The following FAM186A variants were observed in gnomAD, a reference collection of about 807,000 sequenced individuals.
FAM186A encodes family with sequence similarity 186 member A.
Under a neutral mutation model 216.8 loss-of-function variants are expected in FAM186A, and 163 were observed. The ratio of observed to expected loss-of-function variants is 0.75; its 90% confidence interval spans 0.66 to 0.86. The LOEUF (loss-of-function observed/expected upper bound fraction) is 0.86. Ranked by LOEUF, FAM186A falls within the 40% of genes least tolerant of loss-of-function variation. FAM186A has a pLI of 0.00. For synonymous variants in FAM186A, 805 were observed against 1,025.3 expected (o/e 0.79, Z 4.10); for missense variants, 2,184 against 2,746.2 (o/e 0.80, Z 4.58).
chr12:50,356,975 G>A (rs1942983611), intron 3 of FAM186A, among the ~76,000 whole-genome samples: 1 of 151,860 alleles, frequency 6.6e-6, no homozygotes, highest in Non-Finnish European at 1.5e-5. Flanking sequence ...CTCAAGCCTG[G>A]GTAAAAGAGT....
At chr12:50,374,680 T>G (rs903911425) in intron 1 of FAM186A, among the ~76,000 whole-genome samples, 2 of 152,136 alleles carry the variant, frequency 1.3e-5, no homozygotes, top group Non-Finnish European at 2.9e-5. Flanking sequence ...TTACAAAACA[T>G]TTACAGCTAG....
rs1168774341 is a variant in FAM186A at position 50,353,782 on chromosome 12, A to C, written c.3050T>G (p.Leu1017Trp). ...TTCATATGACCGCTGTACATCTTTC[A>C]ATACACTCTTCCACCTGGGAGATAA... ...MTLSPRWKSV[L>W]KDVQRSYEGK... The change falls in exon 4 of 8, where the codon TTG becomes TGG. Residue 1017 changes from leucine to tryptophan, a missense_variant. This residue lies in a region of FAM186A where 1,132 missense variants were observed against 1,263.4 expected (regional missense o/e 0.90). Transcript: ENST00000327337. 2 of 1,551,592 alleles carry C rather than the reference A, an allele frequency of 1.3e-6. No individual in the cohort carries two copies. The highest frequency in any genetic ancestry group is 2.0e-5 in the Admixed American group (1 of 50,992).
intron 1 of FAM186A, among the ~76,000 whole-genome samples, chr12:50,379,839 T>C (rs1650768299): frequency 6.6e-6 from 1 of 151,600 alleles, no homozygotes; most frequent in Admixed American, 6.6e-5. Flanking sequence ...TTACCCTTCA[T>C]GTAAGAAAAA....
At chr12:50,343,688 G>A (rs1014861171) in intron 4 of FAM186A, among the ~76,000 whole-genome samples, 72 of 151,976 alleles carry the variant, frequency 4.7e-4, no homozygotes, top group African/African-American at 1.6e-3. Flanking sequence ...GTGCAATCTC[G>A]GCTCACTGCA....
rs984914762 is a variant in FAM186A at position 50,360,894 on chromosome 12, C to T, written c.445G>A (p.Val149Ile). Residue 149 changes from valine to isoleucine, a missense_variant, in exon 3 of 8, where the codon GTT becomes ATT. Val to Ile is a conservative substitution (Grantham distance 29). Coordinates refer to ENST00000327337, the MANE Select transcript of FAM186A (RefSeq NM_001145475.3). ...GCTATCCAGTGGTGGTGTTCATCAA[C>T]ATCCATTAGAGTCATCTCAGACAAA... The part of the protein sequence containing the change: ...DVLSEMTLMD[V>I]DEHHHWIAQM... 1 of 1,548,764 alleles carries T rather than the reference C, an allele frequency of 6.5e-7. No individual in the cohort carries two copies. Among genetic ancestry groups the T allele is most frequent in the Non-Finnish European group, 8.7e-7 (1 of 1,146,274 alleles).
rs12830155 is a variant in FAM186A at position 50,342,506 on chromosome 12, G to A, written c.6503+7823C>T. ...AATTTTTTTTTAGAGAGAGAGTCTC[G>A]CTCTGTTGCCCAGGCTGGAGTGCAG... On this transcript the variant is annotated intron_variant, in intron 4 of 7. Coordinates refer to ENST00000327337, the MANE Select transcript of FAM186A (RefSeq NM_001145475.3). Among the ~76,000 whole-genome samples the A allele has an allele frequency of 5.8e-3, 854 of 147,492 alleles. 7 individuals are homozygous for A. The highest frequency in any genetic ancestry group is 0.021 in the African/African-American group (834 of 40,094).
chr12:50,349,686 C>T (rs1942855949), intron 4 of FAM186A, among the ~76,000 whole-genome samples: 1 of 151,796 alleles, frequency 6.6e-6, no homozygotes, highest in Admixed American at 6.6e-5. Flanking sequence ...GAGGCTGACT[C>T]TCTCACCCAG....
intron 1 of FAM186A, among the ~76,000 whole-genome samples, chr12:50,371,307 C>CG (rs1565892448): frequency 6.6e-6 from 1 of 151,786 alleles, no homozygotes; most frequent in Non-Finnish European, 1.5e-5. Flanking sequence ...TTAGTAGAGA[C>CG]GGGGTTTCAC....
rs1486954206 is a variant in FAM186A, at chr12:50,355,492, T to TGAGTA, written c.1339_1340insTACTC (p.Tyr447LeufsTer32). The TGAGTA allele has an allele frequency of 6.4e-7, 1 of 1,551,244 alleles. No homozygotes were observed. Among genetic ancestry groups the TGAGTA allele is most frequent in the African/African-American group, 1.4e-5 (1 of 73,024 alleles). ...ATACTCATCAGTCTCATCTTCCTGA[T>TGAGTA]AGAAATCACCTTTCTTCAATGATAC... is the stretch of plus-strand genomic sequence containing the variant. On this transcript the variant is annotated frameshift_variant, in exon 4 of 8. Coordinates refer to ENST00000327337, the MANE Select transcript of FAM186A (RefSeq NM_001145475.3). LOFTEE classifies it high-confidence loss of function.
At chr12:50,335,913 C>T (rs1414420568) in intron 4 of FAM186A, among the ~76,000 whole-genome samples, 1 of 151,974 alleles carries the variant, frequency 6.6e-6, no homozygotes, top group African/African-American at 2.4e-5. Context: ...ATCACGAGGT[C>T]AGGGGCTCCA....
At position 50,354,948 on chromosome 12, in the gene FAM186A, T is replaced by G. The variant is rs779242210; in HGVS notation, c.1884A>C (p.Glu628Asp). Residue 628 changes from glutamate (E) to aspartate (D), a missense_variant, in exon 4 of 8, where the codon GAA (glutamate) becomes GAC (aspartate). Glu to Asp is a conservative substitution (Grantham distance 45). Transcript: ENST00000327337. ...GAGACTTGACTTGTTTGGTCAACTCTTCCTTCTCTTCAGTTTTTTCTTCTT... is the reference window on the plus strand; with the variant it reads ...GAGACTTGACTTGTTTGGTCAACTCGTCCTTCTCTTCAGTTTTTTCTTCTT... ...TSKEEKTEEK[E>D]ELTKQVKSHQ... The G allele has an allele frequency of 6.5e-7, 1 of 1,550,348 alleles. No homozygotes were observed. The highest frequency in any genetic ancestry group is 1.2e-5 in the South Asian group (1 of 83,690).
In FAM186A at chr12:50,354,422, CTCTT is replaced by C. The variant is rs754607161; in HGVS notation, c.2406_2409del (p.Arg803IlefsTer34). ...TGTACTGTTGAGACTGTTGGAATAT[CTCTT>C]TCACTTTCTATTTCAGCCAAGATCA... On this transcript the variant is annotated frameshift_variant, in exon 4 of 8. Coordinates refer to ENST00000327337, the MANE Select transcript of FAM186A (RefSeq NM_001145475.3). LOFTEE classifies it high-confidence loss of function. 52 of 1,551,236 alleles carry C rather than the reference CTCTT, an allele frequency of 3.4e-5. No individual in the cohort carries two copies. Among genetic ancestry groups the C allele is most frequent in the Non-Finnish European group, 4.4e-5 (51 of 1,146,972 alleles).
chr12:50,375,381 C>T (rs1006883788), intron 1 of FAM186A, among the ~76,000 whole-genome samples: 3 of 151,674 alleles, frequency 2.0e-5, no homozygotes, highest in Non-Finnish European at 4.4e-5. Flanking sequence ...AACCCTGTCT[C>T]GACTAAAAAT....
chr12:50,384,814 GT>G (rs568268912), intron 1 of FAM186A, among the ~76,000 whole-genome samples: 7 of 150,324 alleles, frequency 4.7e-5, no homozygotes, highest in African/African-American at 1.5e-4. Flanking sequence ...TAGAGTTTTT[GT>G]TTTTTTTTGA....
At chr12:50,395,627 C>G (rs1193952530) in intron 1 of FAM186A, among the ~76,000 whole-genome samples, 3 of 152,002 alleles carry the variant, frequency 2.0e-5, no homozygotes, top group Non-Finnish European at 2.9e-5. Flanking sequence ...TGTAAACACT[C>G]TTTCTATTCT....
In FAM186A at chr12:50,353,826, G is replaced by C. The variant is rs765833942; in HGVS notation, c.3006C>G (p.Val1002=). 1 of 1,551,638 alleles carries C rather than the reference G, an allele frequency of 6.4e-7. No individual in the cohort carries two copies. Among genetic ancestry groups the C allele is most frequent in the South Asian group, 1.2e-5 (1 of 84,048 alleles). ...GAGATAATGTCATTGGAGTTTGGAT[G>C]ACCATTTTTTCTAGCTCTTTAGGTT... ...ETQPKELEKM[V]IQTPMTLSPR... The change falls in exon 4 of 8, where the codon GTC becomes GTG. Residue 1002 remains valine, a synonymous_variant. Transcript: ENST00000327337.
At chr12:50,393,029 C>A (rs1263095614) in intron 1 of FAM186A, among the ~76,000 whole-genome samples, 2 of 151,480 alleles carry the variant, frequency 1.3e-5, no homozygotes, top group African/African-American at 4.8e-5. Context: ...CGGGTTCACG[C>A]CATTCTCCTG....
rs1301447570 is a variant in FAM186A, at chr12:50,328,590, C to T, written c.7035-1186G>A. ...TGGAGCGATCTCGGCTCACTGCAAC[C>T]TCTGCCTCCCAGACTCAAGCCATTC... On this transcript the variant is annotated intron_variant, in intron 7 of 7. Transcript: ENST00000327337. 4.6e-5 allele frequency among the ~76,000 whole-genome samples: 7 copies of T among 152,224 alleles called. No individual in the cohort carries two copies. The East Asian group carries it at 1.4e-3, about 29-fold the overall frequency.
intron 4 of FAM186A, among the ~76,000 whole-genome samples, chr12:50,349,742 C>T (rs928593771): frequency 5.9e-5 from 9 of 152,032 alleles, no homozygotes; most frequent in South Asian, 2.1e-4. Context: ...TTCCACCTCC[C>T]GGGTTCAAGC....
Sources: gnomAD v4.1 joint callset for allele counts (sites outside exome capture counted in the v4.1 genomes callset) on GRCh38, gnomAD v4.1.1 for gene constraint, gnomAD v4.1.1 regional missense constraint, MANE v1.5 for transcripts, NCBI Gene and HGNC (gene_info 2026-07-23, HGNC 2026-07-21) for gene names.